The following XKR4 variants were observed in gnomAD, a reference collection of about 807,000 sequenced individuals.
XKR4 encodes XK related 4.
In XKR4, 12 loss-of-function variants were observed where a neutral mutation model predicts 53.9. The ratio of observed to expected loss-of-function variants is 0.22; its 90% CI spans 0.14 to 0.36. XKR4 has a LOEUF of 0.36. Among genes scored for constraint, XKR4 ranks in the 10% least tolerant of loss-of-function variants. XKR4 has a pLI of 1.00. For missense variants in XKR4, 799 were observed against 859.5 expected, an observed-to-expected ratio of 0.93 and a Z score of 0.88; for synonymous variants, 354 against 362.4, an observed-to-expected ratio of 0.98 and a Z score of 0.26.
chr8:55,371,732 C>T (rs1804072458), intron 2 of XKR4, among the ~76,000 whole-genome samples: 2 of 152,170 alleles, frequency 1.3e-5, no homozygotes, highest in Non-Finnish European at 1.5e-5. Flanking sequence ...CTTTATTTCA[C>T]ATTCAGTAGT....
chr8:55,486,506 T>TTA (rs1806192641), intron 2 of XKR4, among the ~76,000 whole-genome samples: 1 of 152,248 alleles, frequency 6.6e-6, no homozygotes, highest in Admixed American at 6.5e-5. Flanking sequence ...CTCTGCACAA[T>TTA]TATACCTCCA....
intron 2 of XKR4, among the ~76,000 whole-genome samples, chr8:55,483,233 A>C (rs959735278): frequency 6.6e-6 from 1 of 152,188 alleles, no homozygotes; most frequent in Non-Finnish European, 1.5e-5. Flanking sequence ...TTATATTTCT[A>C]TAATTTCAAC....
chr8:55,207,873 C>T (rs1817672896), intron 1 of XKR4, among the ~76,000 whole-genome samples: 1 of 152,110 alleles, frequency 6.6e-6, no homozygotes, highest in Admixed American at 6.6e-5. Context: ...CCAGCACGTT[C>T]CCCAGGCCCT....
intron 2 of XKR4, among the ~76,000 whole-genome samples, chr8:55,424,030 G>A (rs1327658249): frequency 6.6e-6 from 1 of 152,120 alleles, no homozygotes; most frequent in Non-Finnish European, 1.5e-5. Flanking sequence ...TAATCCAAAC[G>A]CACACCTGGG....
intron 1 of XKR4, among the ~76,000 whole-genome samples, chr8:55,343,189 A>T (rs550096378): frequency 4.6e-5 from 7 of 152,206 alleles, no homozygotes; most frequent in Non-Finnish European, 1.0e-4. Context: ...TCAACAGCCC[A>T]TTTACCAAAT....
chr8:55,304,428 A>G (rs979696251), intron 1 of XKR4, among the ~76,000 whole-genome samples: 6 of 152,132 alleles, frequency 3.9e-5, no homozygotes, highest in African/African-American at 1.2e-4. Flanking sequence ...TATGTGGTCA[A>G]TTTTGGAATA....
chr8:55,449,957 T>G, intron 2 of XKR4: 1 of 854,898 alleles, frequency 1.2e-6, no homozygotes, highest in Non-Finnish European at 2.0e-6. Context: ...AGGCTCAAGG[T>G]GGAGCCCACG....
intron 1 of XKR4, among the ~76,000 whole-genome samples, chr8:55,317,474 T>A (rs936885809): frequency 2.6e-5 from 4 of 152,166 alleles, no homozygotes; most frequent in African/African-American, 7.2e-5. Context: ...TCATTTTCAT[T>A]AGAAAAAATA....
At chr8:55,315,124 C>G (rs745745781) in intron 1 of XKR4, among the ~76,000 whole-genome samples, 1 of 152,118 alleles carries the variant, frequency 6.6e-6, no homozygotes, top group Non-Finnish European at 1.5e-5. Flanking sequence ...AACTTGATAC[C>G]TGAGTGGAAT....
intron 2 of XKR4, among the ~76,000 whole-genome samples, chr8:55,457,146 C>CTTTTTT (rs1554527639): frequency 8.7e-5 from 12 of 137,234 alleles, no homozygotes; most frequent in African/African-American, 2.9e-4. Context: ...TTTTCCTTTT[C>CTTTTTT]TTTTTTTTTT....
chr8:55,336,919 C>G (rs1803468648), intron 1 of XKR4, among the ~76,000 whole-genome samples: 1 of 152,142 alleles, frequency 6.6e-6, no homozygotes, highest in Non-Finnish European at 1.5e-5. Flanking sequence ...AACAAATGAG[C>G]TCCTGAACAT....
chr8:55,323,666 G>T (rs1007741113), intron 1 of XKR4, among the ~76,000 whole-genome samples: 3 of 152,196 alleles, frequency 2.0e-5, no homozygotes, highest in Admixed American at 1.3e-4. Flanking sequence ...GTATGTGCAG[G>T]TTTGTATATA....
chr8:55,454,605 A>T, intron 2 of XKR4: 1 of 1,363,394 alleles, frequency 7.3e-7, no homozygotes. Flanking sequence ...CAGCCCCCAA[A>T]TAAATCGTCC....
chr8:55,505,241 A>G (rs1472220823), intron 2 of XKR4, among the ~76,000 whole-genome samples: 1 of 152,110 alleles, frequency 6.6e-6, no homozygotes, highest in Non-Finnish European at 1.5e-5. Context: ...TGCTGCATCT[A>G]TTAGTTTTTG....
intron 1 of XKR4, among the ~76,000 whole-genome samples, chr8:55,107,571 A>G (rs759613295): frequency 2.6e-4 from 40 of 152,174 alleles, no homozygotes; most frequent in Non-Finnish European, 5.1e-4. Context: ...CCATTTGGAC[A>G]TACTGAGGTT....
rs1806864350 is a variant in XKR4 at position 55,525,114 on chromosome 8, TG to T, written c.*890del. 6.6e-6 allele frequency: 1 copy of T among 152,578 alleles called. No individual in the cohort carries two copies. The highest frequency in any genetic ancestry group is 1.5e-5 in the Non-Finnish European group (1 of 68,030). 9.5% of individuals were successfully genotyped at this position (152,578 alleles called of 1,614,324 possible). A position where few individuals can be genotyped will look rare whatever the true frequency, so the allele number is the denominator to read the frequency against. ...ATTCCCAGGCATGTGCAGCGCCCAT[TG>T]GGACATAACGGCAGTGCGGCGCGAG... On this transcript the variant is annotated 3_prime_UTR_variant, in exon 3 of 3. Coordinates refer to ENST00000327381, the MANE Select transcript of XKR4 (RefSeq NM_052898.2).
Position 55,453,633 on chromosome 8 carries a change from C to T in XKR4, c.1007-69648C>T, listed in dbSNP as rs551185206. 8 of 422,254 alleles carry T rather than the reference C, an allele frequency of 1.9e-5. No individual in the cohort carries two copies. The East Asian group carries it at 4.1e-4, about 22-fold the overall frequency. The allele number at this position is 422,254 out of a possible 1,614,324, so 26.2% of individuals were successfully genotyped here. ...TGCATCTTGGCCTCAGCCTGGTCCA[C>T]GATCCACTGCATGGCGCCCTCATCC... is the stretch of plus-strand genomic sequence containing the variant. On this transcript the variant is annotated intron_variant, in intron 2 of 2. Coordinates refer to ENST00000327381, the MANE Select transcript of XKR4 (RefSeq NM_052898.2).
chr8:55,333,030 A>T (rs969719638), intron 1 of XKR4, among the ~76,000 whole-genome samples: 3 of 151,540 alleles, frequency 2.0e-5, no homozygotes, highest in South Asian at 2.1e-4. Context: ...GAATTTTTCA[A>T]TTCATTTATT....
At chr8:55,348,091 G>A (rs543358099) in intron 1 of XKR4, among the ~76,000 whole-genome samples, 173 of 152,204 alleles carry the variant, frequency 1.1e-3, no homozygotes, top group African/African-American at 4.0e-3. Flanking sequence ...TGACATCTTC[G>A]TCTTCTCCTC....
Sources: gnomAD v4.1 joint callset for allele counts (sites outside exome capture counted in the v4.1 genomes callset) on GRCh38, gnomAD v4.1.1 for gene constraint, MANE v1.5 for transcripts, NCBI Gene and HGNC (gene_info 2026-07-23, HGNC 2026-07-21) for gene names.